RAPGEF3: variants seen among roughly 807,000 people sequenced by gnomAD.
RAPGEF3 encodes Rap guanine nucleotide exchange factor 3.
Under a neutral mutation model 129.8 loss-of-function variants are expected in RAPGEF3, and 103 were observed. The ratio of observed to expected loss-of-function variants is 0.79; its 90% CI spans 0.68 to 0.93. The LOEUF (loss-of-function observed/expected upper bound fraction) is 0.93, where lower values mean the gene tolerates loss of function less well. Among genes scored for constraint, RAPGEF3 ranks in the 40% least tolerant of loss-of-function variants. The pLI is 0.00. For synonymous variants in RAPGEF3, 436 were observed against 482.6 expected, an observed-to-expected ratio of 0.90 and a Z score of 1.26; for missense variants, 1,117 against 1,207.4, an observed-to-expected ratio of 0.93 and a Z score of 1.11.
At chr12:47,739,596 C>T (rs1941018690) in intron 23 of RAPGEF3, 1 of 455,758 alleles carries the variant, frequency 2.2e-6, no homozygotes, top group East Asian at 4.6e-5. Flanking sequence ...CTCTCAAGAG[C>T]TCCCAGGCTA....
rs1940832243 is a variant in RAPGEF3 at position 47,737,235 on chromosome 12, G to A, written c.*332C>T. On this transcript the variant is annotated 3_prime_UTR_variant, in exon 28 of 28. Coordinates refer to ENST00000449771, the MANE Select transcript of RAPGEF3 (RefSeq NM_001098531.4). Reference sequence around the variant, plus strand: ...GCCTGGCTGGACAACAAAGCCAGAGGCACAGAATCTGGAAGACATCTGGTG... The same window carrying A: ...GCCTGGCTGGACAACAAAGCCAGAGACACAGAATCTGGAAGACATCTGGTG... 3 of 305,502 alleles carry A rather than the reference G, an allele frequency of 9.8e-6. No homozygotes were observed. The highest frequency in any genetic ancestry group is 1.9e-5 in the Non-Finnish European group (3 of 161,906). The allele number at this position is 305,502 out of a possible 1,614,324, so 18.9% of individuals were successfully genotyped here.
Position 47,758,840 on chromosome 12 carries a change from A to G in RAPGEF3, c.-284T>C. 8.3e-7 allele frequency: 1 copy of G among 1,204,262 alleles called. No homozygotes were observed. Among genetic ancestry groups the G allele is most frequent in the Non-Finnish European group, 1.0e-6 (1 of 967,246 alleles). The allele number at this position is 1,204,262 out of a possible 1,614,324, so 74.6% of individuals were successfully genotyped here. A position where few individuals can be genotyped will look rare whatever the true frequency, so the allele number is the denominator to read the frequency against. The stretch of plus-strand genomic sequence containing the variant: ...CGAGCCTGCGCCTTCGTCTCAGACG[A>G]AGGAGCCAGCTGGCACCGGGCGCTG... On this transcript the variant is annotated 5_prime_UTR_variant, in exon 1 of 28. Transcript: ENST00000449771.
intron 16 of RAPGEF3, chr12:47,746,009 A>T (rs1941401756): frequency 6.6e-6 from 1 of 152,422 alleles, no homozygotes; most frequent in East Asian, 1.9e-4. Context: ...GCTTTGAAGA[A>T]AATCACAGAG....
intron 13 of RAPGEF3, 71 bp from the exon 14 acceptor site, chr12:47,747,933 G>A: frequency 1.3e-6 from 2 of 1,591,048 alleles, no homozygotes; most frequent in Non-Finnish European, 1.7e-6. Flanking sequence ...GGGGCAGGAT[G>A]CCCAGGGCCC....
rs781211783 is a variant in RAPGEF3, at chr12:47,751,402, G to A, written c.499C>T (p.His167Tyr). 1.2e-6 allele frequency: 2 copies of A among 1,614,008 alleles called. No homozygotes were observed. The highest frequency in any genetic ancestry group is 2.2e-5 in the South Asian group (2 of 91,072). The change falls in exon 5 of 28, where the codon CAT becomes TAT. Residue 167 changes from histidine (H) to tyrosine (Y), a missense_variant. Coordinates refer to ENST00000449771, the MANE Select transcript of RAPGEF3 (RefSeq NM_001098531.4). ...QVLLDEGALCHVKHDWAFQDR... is the reference protein window; with the variant it reads ...QVLLDEGALCYVKHDWAFQDR... ...CCCACCCTGGGCTCGGGCTCACCATGGCAGAGGGCACCTTCATCCAGCAGC... is the reference window on the plus strand; with the variant it reads ...CCCACCCTGGGCTCGGGCTCACCATAGCAGAGGGCACCTTCATCCAGCAGC...
At chr12:47,747,438 T>C (rs2136776277) in intron 15 of RAPGEF3, 106 bp downstream of exon 15, 1 of 1,128,750 alleles carries the variant, frequency 8.9e-7, no homozygotes, top group Non-Finnish European at 1.3e-6. Flanking sequence ...AAGTAAGTGG[T>C]GCAGCCTGGA....
At chr12:47,740,615 C>T (rs569577550) in intron 21 of RAPGEF3, 27 bp downstream of exon 21, 188 of 1,610,556 alleles carry the variant, frequency 1.2e-4, no homozygotes, top group East Asian at 3.6e-4. Context: ...ACTCTGGCCA[C>T]GCCCTACCCA....
intron 16 of RAPGEF3, 102 bp from the exon 17 acceptor site, chr12:47,744,170 ACACAGCATT>A: frequency 1.0e-6 from 1 of 981,794 alleles, no homozygotes; most frequent in Non-Finnish European, 1.5e-6. Flanking sequence ...CACGGGCGCC[ACACAGCATT>A]CACACCACCA....
At chr12:47,757,740 A>G in intron 2 of RAPGEF3, 126 bp downstream of exon 2, 1 of 894,328 alleles carries the variant, frequency 1.1e-6, no homozygotes, top group East Asian at 2.7e-5. Context: ...CCCAGTGTCC[A>G]CGGCAGCTGT....
At chr12:47,739,278 C>T (rs1377261767) in intron 23 of RAPGEF3, 48 bp from the exon 24 acceptor site, 1 of 1,442,990 alleles carries the variant, frequency 6.9e-7, no homozygotes, top group Admixed American at 1.7e-5. Flanking sequence ...CATAAGCCAC[C>T]ACAGACCCCA....
chr12:47,754,036 C>T (rs139304099), intron 2 of RAPGEF3: 1 of 152,344 alleles, frequency 6.6e-6, no homozygotes, highest in Non-Finnish European at 1.5e-5. Context: ...AGGTAAGATT[C>T]TACTGAATAA....
At chr12:47,757,735 T>C in intron 2 of RAPGEF3, 131 bp downstream of exon 2, 1 of 838,758 alleles carries the variant, frequency 1.2e-6, no homozygotes, top group Non-Finnish European at 1.8e-6. Flanking sequence ...CCTGACCCAG[T>C]GTCCACGGCA....
In RAPGEF3 at chr12:47,749,214, A is replaced by T; in HGVS notation, c.1041+176T>A. ...TCTCACTGAACTCCTTCTGTGCCTT[A>T]TGGGCTTCACCTTCTCACACACACC... On this transcript the variant is annotated intron_variant, in intron 10 of 27. Transcript: ENST00000449771. The surrounding 1 kb of genome is among the most constrained non-coding windows in gnomAD (Gnocchi z 4.5). 1 of 787,496 alleles carries T rather than the reference A, an allele frequency of 1.3e-6. No individual in the cohort carries two copies. Among genetic ancestry groups the T allele is most frequent in the South Asian group, 1.6e-5 (1 of 61,356 alleles). The allele number at this position is 787,496 out of a possible 1,614,324, so 48.8% of individuals were successfully genotyped here.
In RAPGEF3 at chr12:47,739,128, A is replaced by C; in HGVS notation, c.2461+15T>G. The C allele has an allele frequency of 6.4e-7, 1 of 1,565,112 alleles. No individual in the cohort carries two copies. The highest frequency in any genetic ancestry group is 2.2e-5 in the East Asian group (1 of 44,618). On this transcript the variant is annotated intron_variant, in intron 24 of 27. Coordinates refer to ENST00000449771, the MANE Select transcript of RAPGEF3 (RefSeq NM_001098531.4). ...AAGGGGGGAATGGAGGGATGGAGGC[A>C]GGAAGCCCTGTTACCTTTGAGAAGA... is the stretch of plus-strand genomic sequence containing the variant.
At chr12:47,757,721 G>A in intron 2 of RAPGEF3, 145 bp downstream of exon 2, 1 of 756,796 alleles carries the variant, frequency 1.3e-6, no homozygotes, top group Non-Finnish European at 2.1e-6. Context: ...CTGCAGACAA[G>A]CTTCCTGACC....
At chr12:47,741,933 T>C in intron 18 of RAPGEF3, 1 of 333,792 alleles carries the variant, frequency 3.0e-6, no homozygotes, top group South Asian at 3.6e-5. Flanking sequence ...AATAAAATAA[T>C]GTATATAAAT....
chr12:47,737,895 T>C lies in RAPGEF3; in HGVS notation c.2653+127A>G, dbSNP rs549045223. On this transcript the variant is annotated intron_variant, in intron 27 of 27. Coordinates refer to ENST00000449771, the MANE Select transcript of RAPGEF3 (RefSeq NM_001098531.4). ...GGCTCAGAGCACAGAGGCTGAACAT[T>C]ATCAACATCATGTATGGAAGGGCCG... The C allele has an allele frequency of 1.2e-5, 16 of 1,281,476 alleles. No individual in the cohort carries two copies. The East Asian group carries it at 3.5e-4, about 28-fold the overall frequency. 79.4% of individuals were successfully genotyped at this position (1,281,476 alleles called of 1,614,324 possible).
rs1034164400 is a variant in RAPGEF3 at position 47,749,123 on chromosome 12, C to T, written c.1042-192G>A. The T allele has an allele frequency of 1.5e-6, 1 of 646,762 alleles. No individual in the cohort carries two copies. Among genetic ancestry groups the T allele is most frequent in the African/African-American group, 1.8e-5 (1 of 54,862 alleles). 40.1% of individuals were successfully genotyped at this position (646,762 alleles called of 1,614,324 possible). ...CCATGCATCCTGCCTCCCCCACAGC[C>T]TAGTCCCCCGCCCCCTGCATGCCCA... is the stretch of plus-strand genomic sequence containing the variant. On this transcript the variant is annotated intron_variant, in intron 10 of 27. Coordinates refer to ENST00000449771, the MANE Select transcript of RAPGEF3 (RefSeq NM_001098531.4). The surrounding 1 kb of genome is among the most constrained non-coding windows in gnomAD (Gnocchi z 4.5).
intron 2 of RAPGEF3, 68 bp downstream of exon 2, chr12:47,757,798 G>T: frequency 7.0e-7 from 1 of 1,424,968 alleles, no homozygotes; most frequent in Non-Finnish European, 9.5e-7. Context: ...AGCATGCCAA[G>T]CCATGATCTA....
Sources: gnomAD v4.1 joint callset for allele counts on GRCh38, gnomAD v4.1.1 for gene constraint, Gnocchi (gnomAD v3.1) non-coding constraint, MANE v1.5 for transcripts, NCBI Gene and HGNC (gene_info 2026-07-23, HGNC 2026-07-21) for gene names.